CRB1: variants seen among roughly 807,000 people sequenced by gnomAD.
CRB1 encodes the protein protein crumbs homolog 1.
CRB1 carries 83 observed loss-of-function variants against 120.0 expected under a neutral mutation model. The observed-to-expected ratio is 0.69, with a 90% CI of 0.58 to 0.83. The LOEUF is 0.83. Among genes scored for constraint, CRB1 ranks in the 40% least tolerant of loss-of-function variants. CRB1 has a pLI of 0.00. For missense variants in CRB1, 1,699 were observed against 1,687.6 expected, an observed-to-expected ratio of 1.01 and a Z score of -0.12; for synonymous variants, 625 against 612.5, an observed-to-expected ratio of 1.02 and a Z score of -0.30.
intron 1 of CRB1, among the ~76,000 whole-genome samples, chr1:197,322,186 T>C (rs1310931777): frequency 6.6e-6 from 1 of 152,112 alleles, no homozygotes; most frequent in Admixed American, 6.6e-5. Context: ...ATTTCATTAA[T>C]AGTTTTTACA....
At chr1:197,215,321 A>T in the CRB1 span, among the ~76,000 whole-genome samples, 1 of 139,922 alleles carries the variant, frequency 7.1e-6, no homozygotes, top group African/African-American at 2.7e-5. Flanking sequence ...CTTGTTGCCC[A>T]GGCTGGAGTC....
At chr1:197,350,329 T>C (rs1374847550) in intron 4 of CRB1, among the ~76,000 whole-genome samples, 1 of 152,116 alleles carries the variant, frequency 6.6e-6, no homozygotes, top group Non-Finnish European at 1.5e-5. Context: ...ACTTTACTTG[T>C]AGTATTATTA....
At chr1:197,221,323 G>C in the CRB1 span, among the ~76,000 whole-genome samples, 4 of 152,216 alleles carry the variant, frequency 2.6e-5, no homozygotes, top group Non-Finnish European at 5.9e-5. Flanking sequence ...AAAGATTTTG[G>C]TGGGAAAGAT....
At chr1:197,261,370 T>G in the CRB1 span, among the ~76,000 whole-genome samples, 1 of 152,182 alleles carries the variant, frequency 6.6e-6, no homozygotes, top group African/African-American at 2.4e-5. Context: ...CCCAGAAAAA[T>G]GAAATCATTA....
intron 1 of CRB1, among the ~76,000 whole-genome samples, chr1:197,327,634 CTT>C (rs1658593466): frequency 6.6e-6 from 1 of 152,160 alleles, no homozygotes; most frequent in Non-Finnish European, 1.5e-5. Flanking sequence ...GACAAAAAAA[CTT>C]TATTTTAGCA....
chr1:197,384,574 G>T (rs753379115), intron 5 of CRB1, among the ~76,000 whole-genome samples: 94 of 152,236 alleles, frequency 6.2e-4, no homozygotes, highest in Non-Finnish European at 1.2e-3. Flanking sequence ...TGTAGGTTTA[G>T]TCTTTGCTTG....
intron 11 of CRB1, among the ~76,000 whole-genome samples, chr1:197,472,927 G>GT (rs1417316046): frequency 1.1e-4 from 17 of 152,186 alleles, no homozygotes; most frequent in Admixed American, 9.8e-4. Flanking sequence ...TGTCCTGTGC[G>GT]TATGTCCTAT....
At chr1:197,259,914 C>T in the CRB1 span, among the ~76,000 whole-genome samples, 1 of 151,590 alleles carries the variant, frequency 6.6e-6, no homozygotes, top group South Asian at 2.1e-4. Context: ...CTTTGGGAGG[C>T]CAAGGTGGGA....
chr1:197,465,038 CA>C (rs574324169), intron 11 of CRB1, among the ~76,000 whole-genome samples: 519 of 152,110 alleles, frequency 3.4e-3, no homozygotes, highest in Non-Finnish European at 5.1e-3. Flanking sequence ...ACTATTATTT[CA>C]AAAAAAGATG....
chr1:197,305,672 C>T (rs1286763632), intron 1 of CRB1, among the ~76,000 whole-genome samples: 1 of 151,768 alleles, frequency 6.6e-6, no homozygotes, highest in South Asian at 2.1e-4. Context: ...TGATATTTGC[C>T]GTCACCTCCT....
chr1:197,446,875 A>G (rs73071694), intron 11 of CRB1, among the ~76,000 whole-genome samples: 4,207 of 152,282 alleles, frequency 0.028, 200 homozygotes, highest in African/African-American at 0.095. Context: ...GGATATCTAA[A>G]TACAGTTATT....
intron 5 of CRB1, among the ~76,000 whole-genome samples, chr1:197,380,459 A>G (rs1661892801): frequency 6.6e-6 from 1 of 152,190 alleles, no homozygotes; most frequent in Non-Finnish European, 1.5e-5. Flanking sequence ...AGATTTATCT[A>G]GCAGCTAAGG....
intron 5 of CRB1, among the ~76,000 whole-genome samples, chr1:197,361,535 A>G (rs1660768490): frequency 1.3e-5 from 2 of 151,774 alleles, no homozygotes; most frequent in Non-Finnish European, 2.9e-5. Flanking sequence ...GAGTATTTCT[A>G]TATATGTCAA....
chr1:197,261,550 A>G, the CRB1 span, among the ~76,000 whole-genome samples: 6 of 152,234 alleles, frequency 3.9e-5, no homozygotes, highest in Non-Finnish European at 2.9e-5. Flanking sequence ...TTATGTCTCT[A>G]TTCATCTATC....
At chr1:197,346,662 C>A (rs1368299786) in intron 3 of CRB1, among the ~76,000 whole-genome samples, 4 of 152,102 alleles carry the variant, frequency 2.6e-5, no homozygotes, top group Non-Finnish European at 4.4e-5. Context: ...TGAGGAGACC[C>A]CGACCTAAAT....
intron 5 of CRB1, chr1:197,364,004 T>A: frequency 7.2e-7 from 1 of 1,386,162 alleles, no homozygotes; most frequent in South Asian, 1.2e-5. Context: ...TGCCGGCGGA[T>A]CTACAGTATG....
the CRB1 span, among the ~76,000 whole-genome samples, chr1:197,226,327 A>G: frequency 1.3e-5 from 2 of 152,248 alleles, no homozygotes; most frequent in South Asian, 4.1e-4. Context: ...TTTAAAGATC[A>G]TTTCTACCTG....
chr1:197,401,009 AATTAT>A (rs1435493317), intron 5 of CRB1, among the ~76,000 whole-genome samples: 1 of 152,026 alleles, frequency 6.6e-6, no homozygotes, highest in Non-Finnish European at 1.5e-5. Flanking sequence ...GAGAAATTGA[AATTAT>A]ATTATATATA....
chr1:197,238,142 G>C, the CRB1 span, among the ~76,000 whole-genome samples: 463 of 152,160 alleles, frequency 3.0e-3, 3 homozygotes, highest in African/African-American at 0.01. Flanking sequence ...GTGTCCAAGG[G>C]TTAGGACATT....
Sources: gnomAD v4.1 joint callset for allele counts (sites outside exome capture counted in the v4.1 genomes callset) on GRCh38, gnomAD v4.1.1 for gene constraint, MANE v1.5 for transcripts, NCBI Gene and HGNC (gene_info 2026-07-23, HGNC 2026-07-21) for gene names.